The following SRGAP2B variants were observed in gnomAD, a reference collection of about 807,000 sequenced individuals.
SRGAP2B encodes the protein SLIT-ROBO Rho GTPase activating protein 2B.
In SRGAP2B, 9 loss-of-function variants were observed where a neutral mutation model predicts 22.2. That is an observed-to-expected ratio of 0.41 (90% CI 0.24 to 0.71). SRGAP2B has a LOEUF of 0.71. Among genes scored for constraint, SRGAP2B ranks in the 30% least tolerant of loss-of-function variants. The probability of loss-of-function intolerance (pLI) is 0.35; values close to 1 mark genes in which losing one functional copy is unlikely to be tolerated. For synonymous variants in SRGAP2B, 36 were observed against 87.4 expected, an observed-to-expected ratio of 0.41 and a Z score of 3.28; for missense variants, 114 against 235.8, an observed-to-expected ratio of 0.48 and a Z score of 3.38.
intron 2 of SRGAP2B, among the ~76,000 whole-genome samples, chr1:145,087,996 CT>C (rs1172425118): frequency 6.6e-6 from 1 of 150,688 alleles, no homozygotes; most frequent in Non-Finnish European, 1.5e-5. Context: ...GTTTTTTCCC[CT>C]GAGCAAGGGA....
intron 1 of SRGAP2B, among the ~76,000 whole-genome samples, chr1:145,093,690 C>A (rs1553636564): frequency 6.8e-6 from 1 of 147,952 alleles, no homozygotes; most frequent in African/African-American, 2.6e-5. Flanking sequence ...ACTGCAGGAA[C>A]GCGGGGCACC....
At chr1:144,917,513 T>C (rs1663942042) in intron 4 of SRGAP2B, among the ~76,000 whole-genome samples, 1 of 135,150 alleles carries the variant, frequency 7.4e-6, no homozygotes, top group South Asian at 2.4e-4. Context: ...TGCTTACCCA[T>C]GACTTAAATA....
At chr1:144,934,340 G>T (rs1438797546) in intron 4 of SRGAP2B, among the ~76,000 whole-genome samples, 1 of 139,964 alleles carries the variant, frequency 7.1e-6, no homozygotes, top group South Asian at 2.2e-4. Context: ...GGAGGCGGGG[G>T]TTACAGTGAG....
intron 2 of SRGAP2B, among the ~76,000 whole-genome samples, chr1:145,076,055 G>A (rs1652473572): frequency 6.6e-6 from 1 of 150,556 alleles, no homozygotes; most frequent in Admixed American, 6.6e-5. Context: ...TATTATGCCA[G>A]TTTCTTGATA....
intron 2 of SRGAP2B, among the ~76,000 whole-genome samples, chr1:145,091,999 G>A (rs1221510224): frequency 6.7e-6 from 1 of 149,026 alleles, no homozygotes; most frequent in Non-Finnish European, 1.5e-5. Flanking sequence ...CAAGTCAGTC[G>A]ACTAGATGAG....
At chr1:145,027,011 A>ATT (rs4058418) in intron 2 of SRGAP2B, among the ~76,000 whole-genome samples, 117 of 66,854 alleles carry the variant, frequency 1.8e-3, no homozygotes, top group African/African-American at 3.4e-3. Flanking sequence ...GCTTTTTTTA[A>ATT]TTTTTTTTTT....
At chr1:144,988,468 ATCAGACGCCAC>A (rs1669918460) in intron 3 of SRGAP2B, among the ~76,000 whole-genome samples, 1 of 149,206 alleles carries the variant, frequency 6.7e-6, no homozygotes, top group Non-Finnish European at 1.5e-5. Flanking sequence ...TTCTAGTTCC[ATCAGACGCCAC>A]TTTCCCACCT....
intron 5 of SRGAP2B, among the ~76,000 whole-genome samples, chr1:144,909,064 GA>G (rs1228287456): frequency 1.4e-5 from 2 of 144,288 alleles, no homozygotes; most frequent in Admixed American, 1.4e-4. Context: ...AAAATAATAG[GA>G]AAAAAAAGGT....
chr1:145,056,896 C>G (rs2102395428), intron 2 of SRGAP2B, among the ~76,000 whole-genome samples: 1 of 122,712 alleles, frequency 8.1e-6, no homozygotes, highest in Non-Finnish European at 1.7e-5. Flanking sequence ...AATTAAAGAT[C>G]AACACGAGGG....
intron 2 of SRGAP2B, among the ~76,000 whole-genome samples, chr1:145,068,084 T>C (rs1445723283): frequency 2.2e-5 from 1 of 45,634 alleles, no homozygotes; most frequent in Non-Finnish European, 3.9e-5. Flanking sequence ...GCGCCTGTAG[T>C]CCCAGCTACT....
At chr1:145,089,184 G>A (rs1272847597) in intron 2 of SRGAP2B, among the ~76,000 whole-genome samples, 5 of 150,654 alleles carry the variant, frequency 3.3e-5, no homozygotes, top group African/African-American at 9.9e-5. Context: ...GGATACTGAC[G>A]GACAACTACA....
intron 4 of SRGAP2B, among the ~76,000 whole-genome samples, chr1:144,922,492 G>T (rs2101783491): frequency 6.9e-6 from 1 of 145,470 alleles, no homozygotes; most frequent in East Asian, 2.0e-4. Flanking sequence ...AAATGACTCT[G>T]TAAGAAATAA....
At chr1:145,083,421 A>T (rs1237650499) in intron 2 of SRGAP2B, among the ~76,000 whole-genome samples, 1 of 75,736 alleles carries the variant, frequency 1.3e-5, no homozygotes, top group Non-Finnish European at 2.4e-5. Flanking sequence ...AGCAAAAAAA[A>T]AATGAGTTTT....
chr1:144,976,526 C>A (rs1271068178), intron 3 of SRGAP2B, among the ~76,000 whole-genome samples: 26 of 142,772 alleles, frequency 1.8e-4, no homozygotes, highest in African/African-American at 7.5e-4. Context: ...TATTTAGCAT[C>A]CATGGCTTCT....
rs1248410449 is a variant in SRGAP2B, at chr1:144,991,699, ACT to A, written c.260+3307_260+3308del. 6.0e-3 allele frequency among the ~76,000 whole-genome samples: 889 copies of A among 149,034 alleles called. 2 individuals carry two copies. Among genetic ancestry groups the A allele is most frequent in the Middle Eastern group, 0.028 (8 of 290 alleles). On this transcript the variant is annotated intron_variant, in intron 3 of 9. Coordinates refer to ENST00000612199, the Ensembl canonical transcript of SRGAP2B. ...AAGGTTGGTGAATGCACCAATCGAC[ACT>A]CTGTATCTAGCTGCTCTGGTGGGGC...
At chr1:144,993,883 C>T (rs4844772) in intron 3 of SRGAP2B, among the ~76,000 whole-genome samples, 5 of 150,404 alleles carry the variant, frequency 3.3e-5, no homozygotes, top group South Asian at 2.1e-4. Context: ...GTCCAACCTA[C>T]GGCCTGTGGG....
chr1:144,997,443 A>G lies in SRGAP2B; in HGVS notation c.68-2243T>C, dbSNP rs1401869653. On this transcript the variant is annotated intron_variant, in intron 2 of 9. Transcript: ENST00000612199. Reference sequence around the variant, plus strand: ...AAGACTCCGTCTCAAACAAACAACAAAAAAAAGAACCAAGGCGTTTTTAGG... The same window carrying G: ...AAGACTCCGTCTCAAACAAACAACAGAAAAAAGAACCAAGGCGTTTTTAGG... Among the ~76,000 whole-genome samples, 8 of 149,926 alleles carry G rather than the reference A, an allele frequency of 5.3e-5. 1 individual carries two copies. Among genetic ancestry groups the G allele is most frequent in the African/African-American group, 2.0e-4 (8 of 39,728 alleles).
At chr1:144,920,345 A>G (rs1159772937) in intron 4 of SRGAP2B, among the ~76,000 whole-genome samples, 2 of 150,478 alleles carry the variant, frequency 1.3e-5, no homozygotes, top group African/African-American at 5.0e-5. Flanking sequence ...AGCTCACTGC[A>G]GCCTTGAACT....
Position 144,927,831 on chromosome 1 carries a change from CATTA to C in SRGAP2B, c.424-13081_424-13078del, listed in dbSNP as rs587746793. Reference sequence around the variant, plus strand: ...TGCATTGTTTTCTGACGTTTCAGTTCATTAATTATTTATTCAGCACCATCTAATC... The same window carrying C: ...TGCATTGTTTTCTGACGTTTCAGTTCATTATTTATTCAGCACCATCTAATC... On this transcript the variant is annotated intron_variant, in intron 4 of 9. Transcript: ENST00000612199. 7.1e-3 allele frequency among the ~76,000 whole-genome samples: 175 copies of C among 24,600 alleles called. 5 individuals are homozygous for C. The highest frequency in any genetic ancestry group is 0.032 in the African/African-American group (157 of 4,974). The allele number at this position is 24,600 out of a possible 152,430, so 16.1% of individuals were successfully genotyped here. A position where few individuals can be genotyped will look rare whatever the true frequency, so the allele number is the denominator to read the frequency against.
Sources: gnomAD v4.1 joint callset for allele counts (sites outside exome capture counted in the v4.1 genomes callset) on GRCh38, gnomAD v4.1.1 for gene constraint, MANE v1.5 for transcripts, NCBI Gene and HGNC (gene_info 2026-07-23, HGNC 2026-07-21) for gene names.